LRRTM4: variants seen among roughly 807,000 people sequenced by gnomAD.
The protein encoded by LRRTM4 is leucine-rich repeat transmembrane neuronal protein 4.
Under a neutral mutation model 47.6 loss-of-function variants are expected in LRRTM4, and 25 were observed. The ratio of observed to expected loss-of-function variants is 0.53; its 90% CI spans 0.38 to 0.73. The LOEUF is 0.73. LRRTM4 is among the 30% of genes least tolerant of loss of function. The pLI, the probability that LRRTM4 is intolerant of heterozygous loss-of-function variation, is 0.00. For missense variants in LRRTM4, 638 were observed against 713.4 expected (o/e 0.89, Z 1.20); for synonymous variants, 311 against 269.5 (o/e 1.15, Z -1.51).
intron 3 of LRRTM4, among the ~76,000 whole-genome samples, chr2:76,889,394 TGAG>T (rs1238821797): frequency 1.3e-5 from 2 of 151,936 alleles, no homozygotes; most frequent in Non-Finnish European, 2.9e-5. Flanking sequence ...AGAAAACAAA[TGAG>T]AAGAGTTCTT....
chr2:76,969,620 CTAACAACAAAAAAAATGCCA>C (rs1044560660), intron 3 of LRRTM4, among the ~76,000 whole-genome samples: 3 of 151,700 alleles, frequency 2.0e-5, no homozygotes, highest in Non-Finnish European at 2.9e-5. Context: ...TAATGATTTT[CTAACAACAAAAAAAATGCCA>C]TAACAACAAA....
chr2:77,499,103 G>C (rs945881385), intron 3 of LRRTM4, among the ~76,000 whole-genome samples: 1 of 151,772 alleles, frequency 6.6e-6, no homozygotes, highest in Non-Finnish European at 1.5e-5. Context: ...TTTTGCTTTT[G>C]CTTACCCAGA....
rs1364935188 is a variant in LRRTM4 at position 77,349,592 on chromosome 2, T to C, written c.1551+168726A>G. Among the ~76,000 whole-genome samples, 4 of 152,156 alleles carry C rather than the reference T, an allele frequency of 2.6e-5. No homozygotes were observed. In the East Asian group the frequency reaches 7.7e-4, roughly 29 times the overall value. The stretch of plus-strand genomic sequence containing the variant: ...GGAGAGATAAGAGAATCTTAAAGTT[T>C]ATAATAAAGAATAAATATGTAAAAT... On this transcript the variant is annotated intron_variant, in intron 3 of 3. Transcript: ENST00000409884.
intron 3 of LRRTM4, among the ~76,000 whole-genome samples, chr2:77,167,066 G>C (rs1672906776): frequency 6.6e-6 from 1 of 152,004 alleles, no homozygotes; most frequent in Non-Finnish European, 1.5e-5. Context: ...ATCTGACAAA[G>C]GGCTAATACC....
intron 3 of LRRTM4, among the ~76,000 whole-genome samples, chr2:76,951,157 T>C (rs1345145769): frequency 1.3e-5 from 2 of 152,098 alleles, no homozygotes; most frequent in East Asian, 1.9e-4. Flanking sequence ...ATAAGTCTTG[T>C]TCTAAATTTT....
At chr2:77,242,181 C>A (rs1487608112) in intron 3 of LRRTM4, among the ~76,000 whole-genome samples, 2 of 152,044 alleles carry the variant, frequency 1.3e-5, no homozygotes, top group Non-Finnish European at 2.9e-5. Context: ...AAAACAAAAT[C>A]ATTGGAATTT....
At chr2:77,293,650 C>T (rs757342326) in intron 3 of LRRTM4, among the ~76,000 whole-genome samples, 3 of 152,030 alleles carry the variant, frequency 2.0e-5, no homozygotes, top group Admixed American at 6.6e-5. Flanking sequence ...TTGTGATTGT[C>T]CTTTTGGTGC....
At chr2:77,186,671 A>T (rs568709697) in intron 3 of LRRTM4, among the ~76,000 whole-genome samples, 1 of 152,174 alleles carries the variant, frequency 6.6e-6, no homozygotes, top group Non-Finnish European at 1.5e-5. Context: ...ATGAAAACGT[A>T]TTGGCATGAA....
chr2:77,270,617 C>T (rs546214912), intron 3 of LRRTM4, among the ~76,000 whole-genome samples: 80 of 152,286 alleles, frequency 5.3e-4, no homozygotes, highest in African/African-American at 1.9e-3. Flanking sequence ...TCTTATTTGA[C>T]CATTAACATT....
At chr2:76,889,551 A>T (rs988368781) in intron 3 of LRRTM4, among the ~76,000 whole-genome samples, 3 of 151,970 alleles carry the variant, frequency 2.0e-5, no homozygotes, top group African/African-American at 7.2e-5. Context: ...ATGATGATAG[A>T]GTGGAAACCT....
At chr2:77,392,103 A>T (rs920307087) in intron 3 of LRRTM4, among the ~76,000 whole-genome samples, 4 of 152,034 alleles carry the variant, frequency 2.6e-5, no homozygotes, top group Non-Finnish European at 5.9e-5. Flanking sequence ...AGACATTTAC[A>T]TCTATTCTCT....
chr2:76,951,460 T>A (rs1675491182), intron 3 of LRRTM4, among the ~76,000 whole-genome samples: 1 of 152,012 alleles, frequency 6.6e-6, no homozygotes, highest in Non-Finnish European at 1.5e-5. Flanking sequence ...CTTTCTCTAT[T>A]AATTAAAGAA....
rs373118963 is a variant in LRRTM4 at position 77,184,277 on chromosome 2, A to C, written c.1551+334041T>G. On this transcript the variant is annotated intron_variant, in intron 3 of 3. Transcript: ENST00000409884. ...CACTTCTACAACTACAGTCTAATGAAGTACTAAAATTATATTAAATATTAA... is the reference window on the plus strand; with the variant it reads ...CACTTCTACAACTACAGTCTAATGACGTACTAAAATTATATTAAATATTAA... 5.3e-5 allele frequency among the ~76,000 whole-genome samples: 8 copies of C among 152,216 alleles called. No homozygotes were observed. In the East Asian group the frequency reaches 1.5e-3, roughly 29 times the overall value.
intron 3 of LRRTM4, among the ~76,000 whole-genome samples, chr2:76,925,697 A>G (rs1198921417): frequency 6.6e-6 from 1 of 152,034 alleles, no homozygotes; most frequent in Non-Finnish European, 1.5e-5. Flanking sequence ...CTTTTCTTAA[A>G]TGTCTCACTA....
At chr2:76,952,744 TG>T (rs1675537099) in intron 3 of LRRTM4, among the ~76,000 whole-genome samples, 1 of 151,952 alleles carries the variant, frequency 6.6e-6, no homozygotes, top group Admixed American at 6.6e-5. Context: ...TGCACTTGTA[TG>T]TTCACCACCG....
intron 3 of LRRTM4, among the ~76,000 whole-genome samples, chr2:77,449,811 T>A (rs1676188059): frequency 6.6e-6 from 1 of 152,222 alleles, no homozygotes; most frequent in Non-Finnish European, 1.5e-5. Context: ...CCAAAAGGCA[T>A]AATTTTGGAT....
At chr2:77,510,413 T>C (rs10168398) in intron 3 of LRRTM4, among the ~76,000 whole-genome samples, 6,396 of 152,116 alleles carry the variant, frequency 0.042, 457 homozygotes, top group African/African-American at 0.15. Context: ...CTCAATAAAA[T>C]CATCACAATT....
At chr2:77,029,072 A>G (rs868189306) in intron 3 of LRRTM4, among the ~76,000 whole-genome samples, 28 of 140,534 alleles carry the variant, frequency 2.0e-4, no homozygotes, top group African/African-American at 7.8e-4. Flanking sequence ...TATATATATA[A>G]TATATATATA....
At chr2:77,381,596 T>G (rs536799764) in intron 3 of LRRTM4, among the ~76,000 whole-genome samples, 1 of 152,162 alleles carries the variant, frequency 6.6e-6, no homozygotes, top group South Asian at 2.1e-4. Flanking sequence ...ACACAAACAT[T>G]TATCTTCATA....
Sources: gnomAD v4.1 joint callset for allele counts (sites outside exome capture counted in the v4.1 genomes callset) on GRCh38, gnomAD v4.1.1 for gene constraint, MANE v1.5 for transcripts, NCBI Gene and HGNC (gene_info 2026-07-23, HGNC 2026-07-21) for gene names.